Variants in RARB observed in about 807,000 individuals in gnomAD.
The protein encoded by RARB is retinoic acid receptor beta.
Under a neutral mutation model 51.9 loss-of-function variants are expected in RARB, and 17 were observed. That is an observed-to-expected ratio of 0.33 (90% CI 0.22 to 0.49). RARB has a LOEUF of 0.49. Ranked by LOEUF, RARB falls within the 20% of genes least tolerant of loss-of-function variation. RARB has a pLI of 0.99. For synonymous variants in RARB, 215 were observed against 195.4 expected, an observed-to-expected ratio of 1.10 and a Z score of -0.84; for missense variants, 369 against 550.8, an observed-to-expected ratio of 0.67 and a Z score of 3.30.
chr3:25,365,046 A>G (rs908697687), intron 5 of RARB, among the ~76,000 whole-genome samples: 1 of 151,852 alleles, frequency 6.6e-6, no homozygotes, highest in Non-Finnish European at 1.5e-5. Flanking sequence ...TATTTGGGGG[A>G]TATCTAGAAA....
intron 2 of RARB, among the ~76,000 whole-genome samples, chr3:24,951,634 C>T (rs1341846279): frequency 1.3e-5 from 2 of 152,144 alleles, no homozygotes; most frequent in African/African-American, 2.4e-5. Context: ...GTCTCTGGTA[C>T]ACTCACTCTA....
intron 5 of RARB, among the ~76,000 whole-genome samples, chr3:25,306,193 T>C (rs7622690): frequency 0.052 from 7,910 of 152,164 alleles, 527 homozygotes; most frequent in East Asian, 0.18. Flanking sequence ...GTTTCATTGA[T>C]TGGGTCTCCG....
intron 2 of RARB, among the ~76,000 whole-genome samples, chr3:24,907,008 T>A (rs1268876585): frequency 6.6e-6 from 1 of 152,162 alleles, no homozygotes; most frequent in African/African-American, 2.4e-5. Context: ...CAAATGTAGA[T>A]ATCCAGTAGG....
chr3:25,161,165 A>G (rs35565065), intron 4 of RARB, among the ~76,000 whole-genome samples: 108 of 147,490 alleles, frequency 7.3e-4, no homozygotes, highest in African/African-American at 2.6e-3. Flanking sequence ...GGCACCCACC[A>G]CCATGCCCAG....
chr3:25,551,240 G>T (rs78401629), intron 3 of RARB, among the ~76,000 whole-genome samples: 2,906 of 152,260 alleles, frequency 0.019, 84 homozygotes, highest in African/African-American at 0.065. Flanking sequence ...TGAGTAAGGA[G>T]TCATCTGTGG....
chr3:25,234,685 T>C (rs2125392403), intron 5 of RARB, among the ~76,000 whole-genome samples: 1 of 152,270 alleles, frequency 6.6e-6, no homozygotes, highest in Admixed American at 6.5e-5. Flanking sequence ...AGTTCCCTTT[T>C]CTTCATTCCT....
At chr3:25,059,906 TAG>T (rs1471592122) in intron 2 of RARB, among the ~76,000 whole-genome samples, 1 of 151,826 alleles carries the variant, frequency 6.6e-6, no homozygotes, top group Admixed American at 6.6e-5. Flanking sequence ...TTTACATTGA[TAG>T]AATCTGAAAA....
At chr3:25,403,985 A>G (rs985874763) in intron 5 of RARB, among the ~76,000 whole-genome samples, 1 of 144,922 alleles carries the variant, frequency 6.9e-6, no homozygotes, top group African/African-American at 2.5e-5. Flanking sequence ...ATATTTCAGG[A>G]TTTTTTTTTT....
At chr3:24,995,239 T>C (rs1696996588) in intron 2 of RARB, among the ~76,000 whole-genome samples, 2 of 151,738 alleles carry the variant, frequency 1.3e-5, no homozygotes, top group Admixed American at 1.3e-4. Flanking sequence ...GTGTTTTTTT[T>C]TATAGCTTTT....
At chr3:24,902,556 A>T (rs1345141640) in intron 2 of RARB, among the ~76,000 whole-genome samples, 1 of 152,154 alleles carries the variant, frequency 6.6e-6, no homozygotes, top group Non-Finnish European at 1.5e-5. Context: ...CTGGGTTGGG[A>T]ATTTTATGAA....
At chr3:25,320,198 A>G (rs758075915) in intron 5 of RARB, among the ~76,000 whole-genome samples, 4 of 152,146 alleles carry the variant, frequency 2.6e-5, no homozygotes, top group Non-Finnish European at 4.4e-5. Context: ...AGCAAATTCT[A>G]TGCAGTCATT....
At chr3:25,165,766 T>C (rs1269090012) in intron 4 of RARB, among the ~76,000 whole-genome samples, 1 of 152,180 alleles carries the variant, frequency 6.6e-6, no homozygotes, top group African/African-American at 2.4e-5. Flanking sequence ...TGTAACAACT[T>C]TGGGTTGAGC....
intron 5 of RARB, among the ~76,000 whole-genome samples, chr3:25,213,767 A>G (rs1379904508): frequency 5.9e-5 from 9 of 152,340 alleles, no homozygotes; most frequent in Non-Finnish European, 1.3e-4. Flanking sequence ...TTCACCAAAG[A>G]TGTCAAACTA....
intron 1 of RARB, among the ~76,000 whole-genome samples, chr3:25,436,015 C>A (rs1012119587): frequency 6.6e-6 from 1 of 152,118 alleles, no homozygotes; most frequent in African/African-American, 2.4e-5. Flanking sequence ...ATTACCGGTT[C>A]CATTAATTTT....
chr3:25,197,098 T>G (rs972488240), intron 5 of RARB, among the ~76,000 whole-genome samples: 2 of 152,162 alleles, frequency 1.3e-5, no homozygotes, highest in African/African-American at 4.8e-5. Flanking sequence ...TGTTTTGGCT[T>G]TTGTTGTCAT....
At chr3:25,288,916 C>A (rs1280527607) in intron 5 of RARB, among the ~76,000 whole-genome samples, 1 of 152,186 alleles carries the variant, frequency 6.6e-6, no homozygotes, top group Non-Finnish European at 1.5e-5. Flanking sequence ...TTCCAAAAGG[C>A]AGAAGACCTC....
At chr3:25,116,851 A>C (rs1373013206) in intron 3 of RARB, among the ~76,000 whole-genome samples, 1 of 152,066 alleles carries the variant, frequency 6.6e-6, no homozygotes, top group Non-Finnish European at 1.5e-5. Context: ...ATTCATGACA[A>C]CTGAATAAGG....
intron 5 of RARB, among the ~76,000 whole-genome samples, chr3:25,381,802 C>G (rs1482652567): frequency 6.6e-6 from 1 of 152,158 alleles, no homozygotes; most frequent in Non-Finnish European, 1.5e-5. Flanking sequence ...AATGAGAAAC[C>G]TGGAGGGTGG....
chr3:25,350,754 A>G (rs1299792436), intron 5 of RARB, among the ~76,000 whole-genome samples: 1 of 152,214 alleles, frequency 6.6e-6, no homozygotes. Context: ...ATAACTGAGA[A>G]TCTGCATATG....
Sources: allele counts gnomAD v4.1 joint callset (sites outside exome capture counted in the v4.1 genomes callset), GRCh38; gene constraint gnomAD v4.1.1; transcripts MANE v1.5; gene names NCBI Gene and HGNC (gene_info 2026-07-23, HGNC 2026-07-21).